The following MAPRE2 variants were observed in gnomAD, a reference collection of about 807,000 sequenced individuals.
The protein encoded by MAPRE2 is microtubule associated protein RP/EB family member 2.
In MAPRE2, 13 loss-of-function variants were observed where a neutral mutation model predicts 43.2. The ratio of observed to expected loss-of-function variants is 0.30; its 90% CI spans 0.20 to 0.48. MAPRE2 has a LOEUF of 0.48. Among genes scored for constraint, MAPRE2 ranks in the 20% least tolerant of loss-of-function variants. MAPRE2 has a pLI of 0.99. For missense variants in MAPRE2, 161 were observed against 400.2 expected (o/e 0.40, Z 5.10); for synonymous variants, 135 against 148.8 (o/e 0.91, Z 0.68).
At chr18:35,089,216 G>A (rs890226784) in intron 2 of MAPRE2, among the ~76,000 whole-genome samples, 3 of 152,160 alleles carry the variant, frequency 2.0e-5, no homozygotes, top group African/African-American at 7.2e-5. Context: ...CTCAAAGAAC[G>A]TGAGGTATAA....
chr18:35,077,260 CACACACACACAT>C (rs1266300994), intron 2 of MAPRE2, among the ~76,000 whole-genome samples: 1,591 of 112,666 alleles, frequency 0.014, 17 homozygotes, highest in African/African-American at 0.054. Context: ...CACACACACA[CACACACACACAT>C]ACACACACAC....
intron 2 of MAPRE2, among the ~76,000 whole-genome samples, chr18:35,012,340 T>C (rs1360337805): frequency 1.3e-5 from 2 of 152,082 alleles, no homozygotes; most frequent in African/African-American, 2.4e-5. Flanking sequence ...GCCACAAATA[T>C]AGATAAAATT....
At chr18:35,016,944 A>C (rs575668277) in intron 2 of MAPRE2, among the ~76,000 whole-genome samples, 1 of 152,038 alleles carries the variant, frequency 6.6e-6, no homozygotes, top group East Asian at 1.9e-4. Context: ...CTTCACTTAA[A>C]TCTTTAATCC....
At chr18:35,000,198 T>G (rs372250887) in intron 1 of MAPRE2, among the ~76,000 whole-genome samples, 1 of 152,154 alleles carries the variant, frequency 6.6e-6, no homozygotes, top group African/African-American at 2.4e-5. Flanking sequence ...ACTCCCTAGA[T>G]GAAAACTTGG....
intron 2 of MAPRE2, among the ~76,000 whole-genome samples, chr18:35,087,057 A>G (rs1907913642): frequency 6.6e-6 from 1 of 152,128 alleles, no homozygotes; most frequent in African/African-American, 2.4e-5. Flanking sequence ...TCATGATTTT[A>G]TAGACTTAAA....
At chr18:35,004,404 C>T (rs1440304525) in intron 1 of MAPRE2, among the ~76,000 whole-genome samples, 1 of 152,104 alleles carries the variant, frequency 6.6e-6, no homozygotes, top group Non-Finnish European at 1.5e-5. Context: ...AGAGTTAAGG[C>T]TCATATGTAT....
rs1490865524 is a variant in MAPRE2 at position 35,101,963 on chromosome 18, G to A, written c.414G>A (p.Lys138=). 6.2e-7 allele frequency: 1 copy of A among 1,607,484 alleles called. No homozygotes were observed. Among genetic ancestry groups the A allele is most frequent in the Admixed American group, 1.7e-5 (1 of 59,134 alleles). ...MNVDKVIPVE[K]LVKGRFQDNL... ...TATTGCAGGTAATTCCAGTGGAGAA[G>A]CTAGTGAAAGGACGTTTCCAGGACA... Residue 138 remains lysine (K), a synonymous_variant, in exon 4 of 7, where the codon AAG becomes AAA. Coordinates refer to ENST00000300249, the MANE Select transcript of MAPRE2 (RefSeq NM_014268.4).
At chr18:35,067,189 C>T (rs1229010718) in intron 1 of MAPRE2, among the ~76,000 whole-genome samples, 2 of 152,142 alleles carry the variant, frequency 1.3e-5, no homozygotes, top group African/African-American at 2.4e-5. Context: ...ACTAAGTACC[C>T]AGAATTTTTC....
intron 1 of MAPRE2, among the ~76,000 whole-genome samples, chr18:35,050,230 T>A (rs575054433): frequency 6.6e-6 from 1 of 152,332 alleles, no homozygotes; most frequent in South Asian, 2.1e-4. Flanking sequence ...AGCATAGGTT[T>A]TTAAAATTAA....
intron 1 of MAPRE2, among the ~76,000 whole-genome samples, chr18:35,055,014 G>A (rs745917910): frequency 6.6e-6 from 1 of 151,958 alleles, no homozygotes; most frequent in Non-Finnish European, 1.5e-5. Flanking sequence ...ATACCTATAC[G>A]GTTAAGTATT....
intron 1 of MAPRE2, among the ~76,000 whole-genome samples, chr18:35,044,947 G>A (rs578082088): frequency 6.6e-6 from 1 of 152,162 alleles, no homozygotes; most frequent in African/African-American, 2.4e-5. Context: ...GAACAGAGTG[G>A]GTGGCAGCTC....
chr18:35,051,601 C>T (rs1278670907), intron 1 of MAPRE2, among the ~76,000 whole-genome samples: 2 of 152,190 alleles, frequency 1.3e-5, no homozygotes, highest in Non-Finnish European at 2.9e-5. Context: ...CCTTTCCTAA[C>T]CTCCAGGAGG....
intron 1 of MAPRE2, among the ~76,000 whole-genome samples, chr18:35,064,013 A>AAAAAAAAAAAAAAAAC (rs1906701310): frequency 7.2e-6 from 1 of 138,538 alleles, no homozygotes; most frequent in African/African-American, 2.9e-5. Flanking sequence ...AAAAAAAAAA[A>AAAAAAAAAAAAAAAAC]AAAAAAAAAA....
At chr18:35,048,188 G>A (rs1905734709) in intron 1 of MAPRE2, among the ~76,000 whole-genome samples, 1 of 152,150 alleles carries the variant, frequency 6.6e-6, no homozygotes, top group Non-Finnish European at 1.5e-5. Context: ...AAGCAAGAGA[G>A]AGGGAGTGGA....
chr18:35,115,234 A>AAGATGT (rs1909359312), intron 4 of MAPRE2, among the ~76,000 whole-genome samples: 1 of 152,166 alleles, frequency 6.6e-6, no homozygotes, highest in African/African-American at 2.4e-5. Flanking sequence ...TTGATCAAGG[A>AAGATGT]AGATGTAGTA....
intron 1 of MAPRE2, among the ~76,000 whole-genome samples, chr18:34,986,740 T>C (rs2097021211): frequency 6.6e-6 from 1 of 152,196 alleles, no homozygotes; most frequent in African/African-American, 2.4e-5. Flanking sequence ...CTTCAGCACT[T>C]CAAGATAAAT....
intron 4 of MAPRE2, among the ~76,000 whole-genome samples, chr18:35,120,049 TC>T (rs1251609990): frequency 6.6e-6 from 1 of 152,178 alleles, no homozygotes; most frequent in Non-Finnish European, 1.5e-5. Flanking sequence ...GTGCTGCTCC[TC>T]CTTTCTTAAA....
rs1905359408 is a variant in MAPRE2, at chr18:35,041,454, G to C, written c.-86G>C. The C allele has an allele frequency of 5.0e-6, 8 of 1,606,942 alleles. No individual in the cohort carries two copies. The highest frequency in any genetic ancestry group is 6.8e-6 in the Non-Finnish European group (8 of 1,177,038). On this transcript the variant is annotated 5_prime_UTR_variant, in exon 1 of 7. Coordinates refer to ENST00000300249, the MANE Select transcript of MAPRE2 (RefSeq NM_014268.4). Reference sequence around the variant, plus strand: ...AGCAGGCGGCAGGCACGGTCCGTGCGGAGCAGGCGAGCGAGCGGGAAGACG... The same window carrying C: ...AGCAGGCGGCAGGCACGGTCCGTGCCGAGCAGGCGAGCGAGCGGGAAGACG...
intron 2 of MAPRE2, among the ~76,000 whole-genome samples, chr18:35,016,159 A>G (rs1603390382): frequency 6.6e-6 from 1 of 151,784 alleles, no homozygotes; most frequent in South Asian, 2.1e-4. Flanking sequence ...GTAGTATTTT[A>G]TGGTATATAT....
Sources: gnomAD v4.1 joint callset for allele counts (sites outside exome capture counted in the v4.1 genomes callset) on GRCh38, gnomAD v4.1.1 for gene constraint, MANE v1.5 for transcripts, NCBI Gene and HGNC (gene_info 2026-07-23, HGNC 2026-07-21) for gene names.